FOXP1: variants seen among roughly 807,000 people sequenced by gnomAD.
FOXP1 encodes forkhead box protein P1.
FOXP1 carries 15 observed loss-of-function variants against 98.2 expected under a neutral mutation model. The ratio of observed to expected loss-of-function variants is 0.15; its 90% confidence interval spans 0.10 to 0.24. The LOEUF (loss-of-function observed/expected upper bound fraction) is 0.24, where lower values mean the gene tolerates loss of function less well. Among genes scored for constraint, FOXP1 ranks in the 10% least tolerant of loss-of-function variants. FOXP1 has a pLI of 1.00. For synonymous variants in FOXP1, 371 were observed against 314.5 expected (o/e 1.18, Z -1.90); for missense variants, 633 against 848.5 (o/e 0.75, Z 3.15).
intron 20 of FOXP1, among the ~76,000 whole-genome samples, chr3:70,964,977 A>C (rs1030032398): frequency 2.0e-5 from 3 of 152,206 alleles, no homozygotes; most frequent in African/African-American, 7.2e-5. Flanking sequence ...GTTGGTCAGT[A>C]ATTCAGAAGT....
At chr3:71,573,396 T>C (rs1259604001) in intron 2 of FOXP1, 1 of 144,014 alleles carries the variant, frequency 6.9e-6, no homozygotes, top group African/African-American at 2.6e-5. Context: ...TTTGCTGCAG[T>C]TGCCATAAGG....
chr3:71,264,614 T>G lies in FOXP1; in HGVS notation c.-12+35206A>C, dbSNP rs532400707. 2.6e-4 allele frequency among the ~76,000 whole-genome samples: 40 copies of G among 152,350 alleles called. No individual in the cohort carries two copies. The South Asian group carries it at 5.8e-3, about 22-fold the overall frequency. On this transcript the variant is annotated intron_variant, in intron 5 of 20. Coordinates refer to ENST00000649528, the MANE Select transcript of FOXP1 (RefSeq NM_001349338.3). ...CCTATCCTATCCTCCCTGGCTGGTT[T>G]GCTGAGCACTATATTAGAGGGTCAG...
chr3:71,243,306 T>G (rs1333976209), intron 5 of FOXP1, among the ~76,000 whole-genome samples: 1 of 152,158 alleles, frequency 6.6e-6, no homozygotes, highest in African/African-American at 2.4e-5. Flanking sequence ...TGAATTTCTA[T>G]TTTTCAAAGA....
chr3:71,427,561 A>T (rs1019218406), intron 3 of FOXP1, among the ~76,000 whole-genome samples: 2 of 152,212 alleles, frequency 1.3e-5, no homozygotes, highest in African/African-American at 4.8e-5. Context: ...AACACACGTG[A>T]TATGATTTGG....
At chr3:71,436,561 C>T (rs761437274) in intron 3 of FOXP1, among the ~76,000 whole-genome samples, 2 of 152,078 alleles carry the variant, frequency 1.3e-5, no homozygotes, top group African/African-American at 2.4e-5. Context: ...AATATGGTCC[C>T]TATTACAATT....
At chr3:70,994,947 A>G (rs2041152780) in intron 13 of FOXP1, among the ~76,000 whole-genome samples, 2 of 152,128 alleles carry the variant, frequency 1.3e-5, no homozygotes, top group South Asian at 4.1e-4. Context: ...ACAAATTAAA[A>G]CCACTACATG....
intron 11 of FOXP1, among the ~76,000 whole-genome samples, chr3:71,022,026 G>A (rs2045513790): frequency 6.6e-6 from 1 of 152,076 alleles, no homozygotes; most frequent in Non-Finnish European, 1.5e-5. Context: ...AGAAACCATT[G>A]CCTAAACTCA....
intron 3 of FOXP1, among the ~76,000 whole-genome samples, chr3:71,437,845 G>A (rs1167657435): frequency 6.6e-6 from 1 of 152,188 alleles, no homozygotes; most frequent in Non-Finnish European, 1.5e-5. Flanking sequence ...GCTGCCTCAA[G>A]AGGACAGGGC....
intron 11 of FOXP1, among the ~76,000 whole-genome samples, chr3:71,036,469 C>T (rs527297728): frequency 9.2e-5 from 14 of 152,040 alleles, no homozygotes; most frequent in African/African-American, 3.1e-4. Flanking sequence ...GCTATGAATC[C>T]GAGAAATACT....
chr3:71,119,738 TC>T (rs2058625037), intron 6 of FOXP1, among the ~76,000 whole-genome samples: 1 of 152,134 alleles, frequency 6.6e-6, no homozygotes, highest in Non-Finnish European at 1.5e-5. Context: ...TTCATCACCT[TC>T]TTCCTTTAGA....
rs2061339073 is a variant in FOXP1 at position 71,165,148 on chromosome 3, G to A, written c.180+33054C>T. ...TCCAATAAAACACTTTCTCTTTCCT[G>A]AAAGGGATGGAAAGGAAATAAAACA... On this transcript the variant is annotated intron_variant, in intron 6 of 20. Transcript: ENST00000649528. 2.0e-5 allele frequency among the ~76,000 whole-genome samples: 3 copies of A among 150,250 alleles called. No homozygotes were observed. In the South Asian group the frequency reaches 6.3e-4, roughly 32 times the overall value.
chr3:71,329,988 C>G (rs994258472), intron 4 of FOXP1, among the ~76,000 whole-genome samples: 3 of 152,100 alleles, frequency 2.0e-5, no homozygotes, highest in African/African-American at 7.2e-5. Flanking sequence ...GTGGGAAGAT[C>G]TCTTGAGCCT....
At chr3:71,164,731 T>C (rs1028547038) in intron 6 of FOXP1, among the ~76,000 whole-genome samples, 2 of 152,264 alleles carry the variant, frequency 1.3e-5, no homozygotes, top group Non-Finnish European at 2.9e-5. Context: ...TGTTTTCTTA[T>C]AATAAATCTA....
chr3:71,327,549 A>G (rs960127891), intron 4 of FOXP1, among the ~76,000 whole-genome samples: 1 of 150,640 alleles, frequency 6.6e-6, no homozygotes, highest in African/African-American at 2.4e-5. Flanking sequence ...CACCACGCCC[A>G]GCTAATTTTT....
intron 6 of FOXP1, among the ~76,000 whole-genome samples, chr3:71,117,078 C>G (rs1302786499): frequency 6.9e-6 from 1 of 145,444 alleles, no homozygotes; most frequent in African/African-American, 2.7e-5. Flanking sequence ...GCCTAATCCC[C>G]AGAGATAAAT....
chr3:70,963,570 G>A (rs753464589), intron 20 of FOXP1, among the ~76,000 whole-genome samples: 3 of 152,080 alleles, frequency 2.0e-5, no homozygotes, highest in Non-Finnish European at 4.4e-5. Context: ...TCCTACTTCC[G>A]AAAGGGCTAC....
intron 6 of FOXP1, among the ~76,000 whole-genome samples, chr3:71,175,663 T>C (rs1460245131): frequency 2.0e-5 from 3 of 152,132 alleles, no homozygotes; most frequent in African/African-American, 7.2e-5. Flanking sequence ...CTCCGGGTAA[T>C]CAGCTGACTT....
In FOXP1 at chr3:71,000,975, T is replaced by C; in HGVS notation, c.1059A>G (p.Leu353=). ...TTAAAAATAAATGTGGTTTTACCTG[T>C]AGCTCTAACTGCTGTACAACCTGCA... The part of the protein sequence containing the change: ...VQMQVVQQLE[L]QLAKDKERLQ... The change falls in exon 13 of 21, where the codon CTA becomes CTG. Residue 353 remains leucine (L), a synonymous_variant. Transcript: ENST00000649528. 2.5e-6 allele frequency: 4 copies of C among 1,604,544 alleles called. No homozygotes were observed. The highest frequency in any genetic ancestry group is 3.4e-6 in the Non-Finnish European group (4 of 1,171,334).
intron 20 of FOXP1, among the ~76,000 whole-genome samples, chr3:70,960,320 C>T (rs1309348482): frequency 2.0e-5 from 3 of 152,116 alleles, no homozygotes; most frequent in Admixed American, 1.3e-4. Context: ...CAGCTGTAAA[C>T]AAGGCAAAAC....
Sources: allele counts gnomAD v4.1 joint callset (sites outside exome capture counted in the v4.1 genomes callset), GRCh38; gene constraint gnomAD v4.1.1; transcripts MANE v1.5; gene names NCBI Gene and HGNC (gene_info 2026-07-23, HGNC 2026-07-21).